WDR55: variants seen among roughly 807,000 people sequenced by gnomAD.
The protein encoded by WDR55 is WD repeat-containing protein 55.
In WDR55, 31 loss-of-function variants were observed where a neutral mutation model predicts 34.0. The observed-to-expected ratio is 0.91, with a 90% CI of 0.69 to 1.23. The LOEUF (loss-of-function observed/expected upper bound fraction) is 1.23. WDR55 is among the 50% of genes most tolerant of loss of function. The pLI is 0.00. For synonymous variants in WDR55, 164 were observed against 185.9 expected (o/e 0.88, Z 0.96); for missense variants, 440 against 494.6 (o/e 0.89, Z 1.05).
Position 140,669,265 on chromosome 5 carries a change from C to T in WDR55, c.830+17C>T. 6.2e-7 allele frequency: 1 copy of T among 1,613,510 alleles called. No homozygotes were observed. Among genetic ancestry groups the T allele is most frequent in the Non-Finnish European group, 8.5e-7 (1 of 1,179,966 alleles). ...AGTCATCAGGTGAGGGAAGCCTGGA[C>T]AGCCCTTAGGTCACAGGAAGGGCAG... On this transcript the variant is annotated intron_variant, in intron 6 of 6. Transcript: ENST00000358337.
rs868843075 is a variant in WDR55 at position 140,671,161 on chromosome 5, G to A, written c.*1507G>A. 171 of 1,165,872 alleles carry A rather than the reference G, an allele frequency of 1.5e-4. No homozygotes were observed. In the African/African-American group the frequency reaches 2.1e-3, roughly 15 times the overall value. The allele number at this position is 1,165,872 out of a possible 1,614,324, so 72.2% of individuals were successfully genotyped here. A position where few individuals can be genotyped will look rare whatever the true frequency, so the allele number is the denominator to read the frequency against. On this transcript the variant is annotated 3_prime_UTR_variant, in exon 7 of 7. Coordinates refer to ENST00000358337, the MANE Select transcript of WDR55 (RefSeq NM_017706.5). Reference sequence around the variant, plus strand: ...TGCCATAGGTCCCTGTCCCAGCAGGGAGGCTGATGGGCCTGGGCCCATGCC... The same window carrying A: ...TGCCATAGGTCCCTGTCCCAGCAGGAAGGCTGATGGGCCTGGGCCCATGCC...
rs1757925609 is a variant in WDR55 at position 140,666,403 on chromosome 5, A to T, written c.191+1300A>T. Among the ~76,000 whole-genome samples the T allele has an allele frequency of 2.0e-5, 3 of 152,220 alleles. No homozygotes were observed. The South Asian group carries it at 6.2e-4, about 32-fold the overall frequency. On this transcript the variant is annotated intron_variant, in intron 1 of 6. Transcript: ENST00000358337. ...AAGAGCAAAACTCCATCTCAAAAAA[A>T]AATCTCGAAACCTCAGCCCATTTGC...
At chr5:140,665,447 C>A (rs909522761) in intron 1 of WDR55, among the ~76,000 whole-genome samples, 2 of 152,174 alleles carry the variant, frequency 1.3e-5, no homozygotes, top group African/African-American at 2.4e-5. Context: ...CAACCTCCCC[C>A]TTCCGGGTTC....
In WDR55 at chr5:140,671,677, C is replaced by A; in HGVS notation, c.*2023C>A. 6.3e-7 allele frequency: 1 copy of A among 1,584,198 alleles called. No individual in the cohort carries two copies. Among genetic ancestry groups the A allele is most frequent in the Non-Finnish European group, 8.6e-7 (1 of 1,165,092 alleles). On this transcript the variant is annotated 3_prime_UTR_variant, in exon 7 of 7. Transcript: ENST00000358337. ...ACCGCAAGAAGGGACCCACAAGCTG[C>A]TGGCGAAGTCGCTGCTTCAGGTCTG...
At position 140,669,454 on chromosome 5, in the gene WDR55, C is replaced by T. The variant is rs748616492; in HGVS notation, c.952C>T (p.Arg318Cys). ...CCTGGCCAGTAGTGGCCATGACCAG[C>T]GCCTCAAGTTTTGGGACATGGCCCA... ...RFLASSGHDQ[R>C]LKFWDMAQLR... The change falls in exon 7 of 7, where the codon CGC becomes TGC. Residue 318 changes from arginine to cysteine, a missense_variant. Physicochemically the swap from Arg to Cys is radical, Grantham distance 180 (BLOSUM62 -3). Transcript: ENST00000358337. The T allele has an allele frequency of 4.3e-6, 7 of 1,614,098 alleles. No individual in the cohort carries two copies. Among genetic ancestry groups the T allele is most frequent in the East Asian group, 4.5e-5 (2 of 44,878 alleles).
At position 140,672,056 on chromosome 5, in the gene WDR55, G is replaced by T; in HGVS notation, c.*2402G>T. On this transcript the variant is annotated 3_prime_UTR_variant, in exon 7 of 7. Coordinates refer to ENST00000358337, the MANE Select transcript of WDR55 (RefSeq NM_017706.5). ...TGCTGTAAGTCAGTCAGTGTGCTAA[G>T]TACCGTACACCCATTATGTTACTTA... 1 of 564,976 alleles carries T rather than the reference G, an allele frequency of 1.8e-6. No homozygotes were observed. Among genetic ancestry groups the T allele is most frequent in the South Asian group, 2.0e-5 (1 of 48,786 alleles). 35.0% of individuals were successfully genotyped at this position (564,976 alleles called of 1,614,324 possible). A position where few individuals can be genotyped will look rare whatever the true frequency, so the allele number is the denominator to read the frequency against.
chr5:140,667,138 A>G, intron 1 of WDR55: 3 of 985,414 alleles, frequency 3.0e-6, no homozygotes, highest in South Asian at 4.7e-5. Context: ...ACTACTATCC[A>G]TATTTATGGT....
Position 140,669,553 on chromosome 5 carries a change from A to C in WDR55, c.1051A>C (p.Lys351Gln), listed in dbSNP as rs745420227. 6.2e-7 allele frequency: 1 copy of C among 1,614,142 alleles called. No homozygotes were observed. The highest frequency in any genetic ancestry group is 8.5e-7 in the Non-Finnish European group (1 of 1,180,004). ...KGGPLRALSSKTWSTDDFFAG... is the reference protein window; with the variant it reads ...KGGPLRALSSQTWSTDDFFAG... The stretch of plus-strand genomic sequence containing the variant: ...AGGACCACTGCGGGCTCTGAGCAGC[A>C]AGACTTGGAGCACCGATGACTTCTT... Residue 351 changes from lysine to glutamine, a missense_variant, in exon 7 of 7, where the codon AAG becomes CAG. Coordinates refer to ENST00000358337, the MANE Select transcript of WDR55 (RefSeq NM_017706.5).
Position 140,671,953 on chromosome 5 carries a change from C to T in WDR55, c.*2299C>T. 3.1e-6 allele frequency: 2 copies of T among 636,672 alleles called. No homozygotes were observed. The highest frequency in any genetic ancestry group is 5.5e-6 in the Non-Finnish European group (2 of 364,912). The allele number at this position is 636,672 out of a possible 1,614,324, so 39.4% of individuals were successfully genotyped here. On this transcript the variant is annotated 3_prime_UTR_variant, in exon 7 of 7. Transcript: ENST00000358337. ...TAACACACTGCTACCTTACAAGTTT[C>T]CTTGGAGAAGTACTGGTTAATTGCA...
At position 140,671,398 on chromosome 5, in the gene WDR55, C is replaced by T; in HGVS notation, c.*1744C>T. The T allele has an allele frequency of 6.2e-7, 1 of 1,612,500 alleles. No homozygotes were observed. Among genetic ancestry groups the T allele is most frequent in the South Asian group, 1.1e-5 (1 of 91,038 alleles). ...GCCGTACAGACACAGCATCCTTGGC[C>T]ACCTCATGCCCATCCCGGCCATCTA... is the stretch of plus-strand genomic sequence containing the variant. On this transcript the variant is annotated 3_prime_UTR_variant, in exon 7 of 7. Coordinates refer to ENST00000358337, the MANE Select transcript of WDR55 (RefSeq NM_017706.5).
rs923959480 is a variant in WDR55, at chr5:140,672,302, T to G, written c.*2648T>G. On this transcript the variant is annotated 3_prime_UTR_variant, in exon 7 of 7. Transcript: ENST00000358337. ...GGTGGTGGTAGCACCATTGGAAGTT[T>G]TAAAAATCTGAGATCAAATAGTAAA... 9 of 918,864 alleles carry G rather than the reference T, an allele frequency of 9.8e-6. No homozygotes were observed. The highest frequency in any genetic ancestry group is 1.5e-5 in the Non-Finnish European group (9 of 613,710). The allele number at this position is 918,864 out of a possible 1,614,324, so 56.9% of individuals were successfully genotyped here.
chr5:140,668,214 C>A lies in WDR55; in HGVS notation c.192-20C>A. The A allele has an allele frequency of 6.4e-7, 1 of 1,573,964 alleles. No homozygotes were observed. Among genetic ancestry groups the A allele is most frequent in the Non-Finnish European group, 8.6e-7 (1 of 1,159,494 alleles). On this transcript the variant is annotated intron_variant, in intron 1 of 6. Coordinates refer to ENST00000358337, the MANE Select transcript of WDR55 (RefSeq NM_017706.5). ...CCAGGCTGGGTCTGGAGTCATTTACCCTCCTTGCCCTCTCCCCAGCTTTTC... is the reference window on the plus strand; with the variant it reads ...CCAGGCTGGGTCTGGAGTCATTTACACTCCTTGCCCTCTCCCCAGCTTTTC...
At chr5:140,667,421 C>G (rs1757952496) in intron 1 of WDR55, 1 of 152,830 alleles carries the variant, frequency 6.5e-6, no homozygotes, top group Non-Finnish European at 1.5e-5. Flanking sequence ...TTCCTTATCT[C>G]TGCTGCCTCC....
rs1453813211 is a variant in WDR55 at position 140,669,726 on chromosome 5, A to G, written c.*72A>G. 1.1e-5 allele frequency: 15 copies of G among 1,414,128 alleles called. No homozygotes were observed. The highest frequency in any genetic ancestry group is 4.8e-5 in the Admixed American group (2 of 41,634). 87.6% of individuals were successfully genotyped at this position (1,414,128 alleles called of 1,614,324 possible). On this transcript the variant is annotated 3_prime_UTR_variant, in exon 7 of 7. Transcript: ENST00000358337. ...TGCTTATTGGGCTGCATCCCCAGAG[A>G]GGATATGAATTATTTTTTGAAAAGA...
At chr5:140,666,845 T>A in intron 1 of WDR55, 2 of 985,108 alleles carry the variant, frequency 2.0e-6, no homozygotes, top group Non-Finnish European at 2.4e-6. Flanking sequence ...TCGGTTTTGT[T>A]CTCTATTTTA....
intron 1 of WDR55, among the ~76,000 whole-genome samples, chr5:140,665,446 C>G (rs973296686): frequency 6.6e-6 from 1 of 152,132 alleles, no homozygotes; most frequent in Non-Finnish European, 1.5e-5. Context: ...GCAACCTCCC[C>G]CTTCCGGGTT....
In WDR55 at chr5:140,670,345, A is replaced by ATTT. The variant is rs1278137395; in HGVS notation, c.*709_*711dup. ...GCCACTGTGCCTGGCTGGATATGAAATTTTTTTTTTTTTTTTTTTTGAGAC... is the reference window on the plus strand; with the variant it reads ...GCCACTGTGCCTGGCTGGATATGAAATTTTTTTTTTTTTTTTTTTTTTTGAGAC... On this transcript the variant is annotated 3_prime_UTR_variant, in exon 7 of 7. Coordinates refer to ENST00000358337, the MANE Select transcript of WDR55 (RefSeq NM_017706.5). 17 of 131,642 alleles carry ATTT rather than the reference A, an allele frequency of 1.3e-4. No individual in the cohort carries two copies. The highest frequency in any genetic ancestry group is 2.6e-4 in the African/African-American group (9 of 35,026). 8.2% of individuals were successfully genotyped at this position (131,642 alleles called of 1,614,324 possible).
In WDR55 at chr5:140,672,120, TAAA is replaced by T; in HGVS notation, c.*2469_*2471del. 1 of 545,162 alleles carries T rather than the reference TAAA, an allele frequency of 1.8e-6. No individual in the cohort carries two copies. The highest frequency in any genetic ancestry group is 3.3e-6 in the Non-Finnish European group (1 of 303,970). The allele number at this position is 545,162 out of a possible 1,614,324, so 33.8% of individuals were successfully genotyped here. On this transcript the variant is annotated 3_prime_UTR_variant, in exon 7 of 7. Coordinates refer to ENST00000358337, the MANE Select transcript of WDR55 (RefSeq NM_017706.5). ...TCTGAGGAAACAGATTCTATAGTAG[TAAA>T]AAGCTCAGTTGGATTCCCTTGAGCA...
rs768164885 is a variant in WDR55, at chr5:140,668,683, G to A, written c.452G>A (p.Cys151Tyr). ...LATGDDTGGI[C>Y]LWDQRKEGPL... ...ACTGGGGATGACACAGGTGGTATCT[G>A]TCTCTGGGACCAGCGGAAGGAGGGC... The change falls in exon 4 of 7, where the codon TGT becomes TAT. Residue 151 changes from cysteine to tyrosine, a missense_variant. Cys to Tyr is a radical substitution (Grantham distance 194). Coordinates refer to ENST00000358337, the MANE Select transcript of WDR55 (RefSeq NM_017706.5). 2.1e-5 allele frequency: 34 copies of A among 1,614,032 alleles called. No homozygotes were observed. The highest frequency in any genetic ancestry group is 2.7e-5 in the African/African-American group (2 of 74,926).
Sources: gnomAD v4.1 joint callset for allele counts (sites outside exome capture counted in the v4.1 genomes callset) on GRCh38, gnomAD v4.1.1 for gene constraint, MANE v1.5 for transcripts, NCBI Gene and HGNC (gene_info 2026-07-23, HGNC 2026-07-21) for gene names.